The following ENPP2 variants were observed in gnomAD, a reference collection of about 807,000 sequenced individuals.
ENPP2 encodes the protein autotaxin.
Under a neutral mutation model 120.2 loss-of-function variants are expected in ENPP2, and 51 were observed. The ratio of observed to expected loss-of-function variants is 0.42; its 90% CI spans 0.34 to 0.54. The LOEUF (loss-of-function observed/expected upper bound fraction) is 0.54. Among genes scored for constraint, ENPP2 ranks in the 20% least tolerant of loss-of-function variants. ENPP2 has a pLI of 0.04. For missense variants in ENPP2, 920 were observed against 1,066.5 expected, an observed-to-expected ratio of 0.86 and a Z score of 1.91; for synonymous variants, 365 against 366.4, an observed-to-expected ratio of 1.00 and a Z score of 0.04.
chr8:119,635,762 T>TA (rs1422718947), intron 2 of ENPP2, among the ~76,000 whole-genome samples: 4 of 152,234 alleles, frequency 2.6e-5, no homozygotes, highest in African/African-American at 9.6e-5. Flanking sequence ...TGACCTGGTA[T>TA]AAAAAATCCT....
intron 8 of ENPP2, among the ~76,000 whole-genome samples, chr8:119,610,490 AAG>A (rs60632673): frequency 0.025 from 3,672 of 147,618 alleles, 96 homozygotes; most frequent in African/African-American, 0.069. Flanking sequence ...AAGGTTATAA[AAG>A]AGAGAGAGAG....
At position 119,568,249 on chromosome 8, in the gene ENPP2, A is replaced by C. The variant is rs768844412; in HGVS notation, c.2057T>G (p.Leu686Arg). ...ATATTTAGCCTCTGGTGAAGAGCTCAGATCTAAACATTAGGAAAACAAATA... is the reference window on the plus strand; with the variant it reads ...ATATTTAGCCTCTGGTGAAGAGCTCCGATCTAAACATTAGGAAAACAAATA... ...MSYGFLFPPY[L>R]SSSPEAKYDA... The change falls in exon 22 of 25, where the codon CTG (leucine) becomes CGG (arginine). Residue 686 changes from leucine (L) to arginine (R), a missense_variant. Transcript: ENST00000075322. The C allele has an allele frequency of 6.4e-7, 1 of 1,568,238 alleles. No homozygotes were observed. The highest frequency in any genetic ancestry group is 1.1e-5 in the South Asian group (1 of 89,634).
chr8:119,592,954 C>A (rs2130464922), intron 12 of ENPP2: 1 of 980,716 alleles, frequency 1.0e-6, no homozygotes, highest in Admixed American at 6.3e-5. Context: ...AAAGAGTCAG[C>A]CAATTTTCAT....
intron 11 of ENPP2, 112 bp from the exon 12 acceptor site, chr8:119,593,972 G>T: frequency 1.4e-6 from 1 of 715,634 alleles, no homozygotes; most frequent in Admixed American, 2.1e-5. Flanking sequence ...CGGCCCAGAG[G>T]CAGAGCTTTG....
intron 1 of ENPP2, among the ~76,000 whole-genome samples, chr8:119,664,364 C>G (rs956733190): frequency 1.1e-4 from 17 of 152,194 alleles, no homozygotes; most frequent in African/African-American, 3.9e-4. Flanking sequence ...CCTCTCTGAA[C>G]CTCTGTTGTC....
Position 119,562,760 on chromosome 8 carries a change from A to T in ENPP2, c.2421+97T>A. 2 of 1,217,072 alleles carry T rather than the reference A, an allele frequency of 1.6e-6. 1 individual carries two copies. The highest frequency in any genetic ancestry group is 2.9e-5 in the South Asian group (2 of 68,062). 75.4% of individuals were successfully genotyped at this position (1,217,072 alleles called of 1,614,324 possible). ...TTTTTCTGTTTAGGGTGAATGCTTT[A>T]TAATAAGTATGTTCTAGTTCAATGA... is the stretch of plus-strand genomic sequence containing the variant. On this transcript the variant is annotated intron_variant, in intron 24 of 24. Transcript: ENST00000075322.
At position 119,624,369 on chromosome 8, in the gene ENPP2, A is replaced by G. The variant is rs549879593; in HGVS notation, c.292+2196T>C. Among the ~76,000 whole-genome samples, 202 of 152,312 alleles carry G rather than the reference A, an allele frequency of 1.3e-3. 2 individuals carry two copies. Among genetic ancestry groups the G allele is most frequent in the African/African-American group, 4.8e-3 (199 of 41,572 alleles). On this transcript the variant is annotated intron_variant, in intron 3 of 24. Coordinates refer to ENST00000075322, the MANE Select transcript of ENPP2 (RefSeq NM_001040092.3). Reference sequence around the variant, plus strand: ...TCACCTACCAGATTATTTTAAAAATATTTTTAAAAATAAGAGTATTCAATG... The same window carrying G: ...TCACCTACCAGATTATTTTAAAAATGTTTTTAAAAATAAGAGTATTCAATG...
At chr8:119,584,676 A>G (rs554892020) in intron 15 of ENPP2, among the ~76,000 whole-genome samples, 1 of 152,300 alleles carries the variant, frequency 6.6e-6, no homozygotes, top group East Asian at 1.9e-4. Flanking sequence ...TCACCTAGAC[A>G]ATATCTCTAT....
chr8:119,668,621 G>A (rs918383304), intron 1 of ENPP2, among the ~76,000 whole-genome samples: 3 of 151,600 alleles, frequency 2.0e-5, no homozygotes, highest in African/African-American at 7.3e-5. Context: ...GAGAGACAGG[G>A]TTTCACCATG....
chr8:119,566,863 G>A (rs185460233), intron 22 of ENPP2, among the ~76,000 whole-genome samples: 1 of 152,202 alleles, frequency 6.6e-6, no homozygotes, highest in African/African-American at 2.4e-5. Flanking sequence ...TTGGGTCTGA[G>A]AACAAACCAA....
intron 11 of ENPP2, among the ~76,000 whole-genome samples, chr8:119,598,500 C>T (rs1043514855): frequency 3.3e-5 from 5 of 152,118 alleles, no homozygotes; most frequent in Admixed American, 6.6e-5. Context: ...ATCCTGTATG[C>T]CGCTTCATTT....
intron 15 of ENPP2, among the ~76,000 whole-genome samples, chr8:119,585,705 C>T (rs1230415259): frequency 6.6e-6 from 1 of 152,038 alleles, no homozygotes; most frequent in Non-Finnish European, 1.5e-5. Context: ...CAATAGAAGG[C>T]AAACATTGGG....
intron 21 of ENPP2, among the ~76,000 whole-genome samples, chr8:119,568,490 ACTGT>A (rs1287402590): frequency 6.6e-6 from 1 of 151,936 alleles, no homozygotes; most frequent in Non-Finnish European, 1.5e-5. Flanking sequence ...TTTTTTTCTT[ACTGT>A]CTACTTCTTG....
At chr8:119,661,668 G>A (rs542793264) in intron 1 of ENPP2, among the ~76,000 whole-genome samples, 1 of 152,140 alleles carries the variant, frequency 6.6e-6, no homozygotes, top group African/African-American at 2.4e-5. Context: ...CCACTACCAG[G>A]TGTATGTCCA....
At chr8:119,660,787 C>G (rs1450621830) in intron 1 of ENPP2, among the ~76,000 whole-genome samples, 2 of 152,160 alleles carry the variant, frequency 1.3e-5, no homozygotes, top group African/African-American at 4.8e-5. Flanking sequence ...GTCACAATGA[C>G]TCAACTTGCT....
Position 119,593,880 on chromosome 8 carries a change from T to C in ENPP2, c.973-20A>G. ...TGTCATCTAGGAAAAAGAAGCAAGT[T>C]AGTCCCCACAGGGTTTTCTTTCTTT... On this transcript the variant is annotated intron_variant, in intron 11 of 24. Transcript: ENST00000075322. 7.5e-7 allele frequency: 1 copy of C among 1,341,812 alleles called. No homozygotes were observed. Among genetic ancestry groups the C allele is most frequent in the Non-Finnish European group, 1.1e-6 (1 of 931,318 alleles). The allele number at this position is 1,341,812 out of a possible 1,614,324, so 83.1% of individuals were successfully genotyped here.
At chr8:119,568,112 G>C in intron 22 of ENPP2, 63 bp downstream of exon 22, 1 of 852,636 alleles carries the variant, frequency 1.2e-6, no homozygotes, top group Non-Finnish European at 2.0e-6. Flanking sequence ...GAAAAGGTAA[G>C]GGGTAAATTT....
At chr8:119,565,545 G>T (rs1460415221) in intron 22 of ENPP2, among the ~76,000 whole-genome samples, 1 of 152,134 alleles carries the variant, frequency 6.6e-6, no homozygotes, top group African/African-American at 2.4e-5. Flanking sequence ...ATAATCAATG[G>T]CTCTGGCACT....
chr8:119,673,362 G>A (rs1268502206), exon 1 of ENPP2: 2 of 1,453,228 alleles, frequency 1.4e-6, no homozygotes, highest in Admixed American at 2.0e-5. Context: ...TGCTCGGGAC[G>A]GCTGCTGCGG....
Sources: gnomAD v4.1 joint callset for allele counts (sites outside exome capture counted in the v4.1 genomes callset) on GRCh38, gnomAD v4.1.1 for gene constraint, MANE v1.5 for transcripts, NCBI Gene and HGNC (gene_info 2026-07-23, HGNC 2026-07-21) for gene names.